Variants in ERBB4 observed in about 807,000 individuals in gnomAD.
ERBB4 encodes the protein receptor tyrosine-protein kinase erbB-4.
In ERBB4, 42 loss-of-function variants were observed where a neutral mutation model predicts 158.0. The ratio of observed to expected loss-of-function variants is 0.27; its 90% CI spans 0.21 to 0.34. ERBB4 has a LOEUF of 0.34. Among genes scored for constraint, ERBB4 ranks in the 10% least tolerant of loss-of-function variants. ERBB4 has a pLI of 1.00. For missense variants in ERBB4, 1,333 were observed against 1,624.1 expected, an observed-to-expected ratio of 0.82 and a Z score of 3.08; for synonymous variants, 583 against 558.7, an observed-to-expected ratio of 1.04 and a Z score of -0.61.
intron 2 of ERBB4, among the ~76,000 whole-genome samples, chr2:211,997,028 G>A (rs2082215952): frequency 6.6e-6 from 1 of 152,160 alleles, no homozygotes; most frequent in Admixed American, 6.6e-5. Context: ...GCGAAGTGAA[G>A]GATAACAGCA....
At chr2:211,525,990 C>T (rs1275941064) in intron 20 of ERBB4, among the ~76,000 whole-genome samples, 1 of 152,126 alleles carries the variant, frequency 6.6e-6, no homozygotes, top group African/African-American at 2.4e-5. Context: ...GATGGGGGAA[C>T]TGGATGCCTA....
At chr2:211,920,961 C>T (rs1465175402) in intron 3 of ERBB4, among the ~76,000 whole-genome samples, 3 of 151,622 alleles carry the variant, frequency 2.0e-5, no homozygotes, top group South Asian at 4.2e-4. Context: ...ATATTTGACA[C>T]ACTACAATCT....
chr2:212,163,003 T>A (rs1397572070), intron 1 of ERBB4, among the ~76,000 whole-genome samples: 2 of 151,960 alleles, frequency 1.3e-5, no homozygotes, highest in African/African-American at 4.8e-5. Context: ...ACTTTTTTAC[T>A]CACATCAGCA....
intron 3 of ERBB4, among the ~76,000 whole-genome samples, chr2:211,908,273 A>C (rs2079450129): frequency 6.6e-6 from 1 of 151,774 alleles, no homozygotes; most frequent in African/African-American, 2.4e-5. Context: ...TATGTTCTGC[A>C]ATTAGTTGAT....
intron 19 of ERBB4, among the ~76,000 whole-genome samples, chr2:211,593,117 G>T (rs767401279): frequency 1.3e-5 from 2 of 152,066 alleles, no homozygotes; most frequent in Non-Finnish European, 2.9e-5. Context: ...ATGGCAGCTG[G>T]CAAGGTGACT....
intron 1 of ERBB4, among the ~76,000 whole-genome samples, chr2:212,466,451 G>A (rs1688839501): frequency 6.6e-6 from 1 of 152,158 alleles, no homozygotes; most frequent in Non-Finnish European, 1.5e-5. Context: ...CTGAATCACG[G>A]GAGTGGGTCT....
intron 19 of ERBB4, among the ~76,000 whole-genome samples, chr2:211,573,927 T>G (rs930629066): frequency 6.6e-6 from 1 of 152,164 alleles, no homozygotes; most frequent in African/African-American, 2.4e-5. Flanking sequence ...TTAGTTTGGA[T>G]AAGCTATAGT....
At chr2:211,392,665 GTTGTTTGTTTGT>G (rs376999130) in intron 25 of ERBB4, among the ~76,000 whole-genome samples, 1 of 150,056 alleles carries the variant, frequency 6.7e-6, no homozygotes, top group Non-Finnish European at 1.5e-5. Context: ...CTTTTTTGTT[GTTGTTTGTTTGT>G]TTGTTTTTCG....
intron 20 of ERBB4, among the ~76,000 whole-genome samples, chr2:211,479,730 C>G (rs1376209599): frequency 6.6e-6 from 1 of 152,108 alleles, no homozygotes; most frequent in African/African-American, 2.4e-5. Context: ...GAATCTGGGA[C>G]TACTGCTGTG....
At chr2:212,425,133 C>T (rs1057336133) in intron 1 of ERBB4, among the ~76,000 whole-genome samples, 1 of 151,284 alleles carries the variant, frequency 6.6e-6, no homozygotes, top group African/African-American at 2.4e-5. Flanking sequence ...ATACTAAAGT[C>T]AAGAATTTAA....
intron 2 of ERBB4, among the ~76,000 whole-genome samples, chr2:211,973,894 A>AT (rs1442100529): frequency 1.3e-5 from 2 of 152,190 alleles, no homozygotes; most frequent in Non-Finnish European, 2.9e-5. Flanking sequence ...TGGAAACTAT[A>AT]TAGCCATAAA....
chr2:211,516,433 A>G (rs913739643), intron 20 of ERBB4, among the ~76,000 whole-genome samples: 1 of 151,136 alleles, frequency 6.6e-6, no homozygotes, highest in Non-Finnish European at 1.5e-5. Flanking sequence ...TCCTGGGTTC[A>G]AGCGATTCTT....
At chr2:211,593,572 T>C (rs1264951747) in intron 19 of ERBB4, among the ~76,000 whole-genome samples, 8 of 152,220 alleles carry the variant, frequency 5.3e-5, no homozygotes, top group East Asian at 3.8e-4. Context: ...CTTTGTATTA[T>C]TCTGTCTTGC....
rs559096028 is a variant in ERBB4 at position 211,764,449 on chromosome 2, C to T, written c.557-13745G>A. 1.1e-4 allele frequency among the ~76,000 whole-genome samples: 17 copies of T among 152,270 alleles called. No individual in the cohort carries two copies. The South Asian group carries it at 3.3e-3, about 30-fold the overall frequency. On this transcript the variant is annotated intron_variant, in intron 4 of 27. Coordinates refer to ENST00000342788, the MANE Select transcript of ERBB4 (RefSeq NM_005235.3). ...ATCCTTTAATCACAATGAAAGCCCTCGTTAGCTAGCATGCTAAAGAGGTAG... is the reference window on the plus strand; with the variant it reads ...ATCCTTTAATCACAATGAAAGCCCTTGTTAGCTAGCATGCTAAAGAGGTAG...
intron 20 of ERBB4, among the ~76,000 whole-genome samples, chr2:211,555,650 G>A (rs2067218135): frequency 6.6e-6 from 1 of 152,168 alleles, no homozygotes; most frequent in Non-Finnish European, 1.5e-5. Flanking sequence ...AAAGCCAGAA[G>A]AGATTCAGGA....
chr2:211,486,245 C>T (rs1037483939), intron 20 of ERBB4, among the ~76,000 whole-genome samples: 2 of 152,196 alleles, frequency 1.3e-5, no homozygotes, highest in Middle Eastern at 3.4e-3. Context: ...ACTGCTTGCT[C>T]CCTTTTCGTT....
At chr2:212,050,618 A>C (rs1266741134) in intron 2 of ERBB4, among the ~76,000 whole-genome samples, 3 of 152,204 alleles carry the variant, frequency 2.0e-5, no homozygotes, top group Non-Finnish European at 4.4e-5. Flanking sequence ...TATTACTTCC[A>C]AAATAAAAAA....
chr2:212,199,731 T>A (rs969268217), intron 1 of ERBB4, among the ~76,000 whole-genome samples: 12 of 152,160 alleles, frequency 7.9e-5, no homozygotes, highest in Non-Finnish European at 1.6e-4. Flanking sequence ...AATCATTAAA[T>A]TTTTAATTTA....
Position 211,947,513 on chromosome 2 carries a change from T to A in ERBB4, c.338A>T (p.Asp113Val), listed in dbSNP as rs1324497284. 1 of 1,613,868 alleles carries A rather than the reference T, an allele frequency of 6.2e-7. No individual in the cohort carries two copies. ...TAAAAATATTGCCAAGGCATATCGA[T>A]CCTCATAAAGTTTTGTCCCACGAAT... Reference protein sequence around the residue: ...RIIRGTKLYEDRYALAIFLNY... With the variant: ...RIIRGTKLYEVRYALAIFLNY... Residue 113 changes from aspartate to valine, a missense_variant, in exon 3 of 28, where the codon GAT (aspartate) becomes GTT (valine). Around this residue, in one of 5 missense-constraint regions of ERBB4, gnomAD observed 438 missense variants for 586.9 expected, o/e 0.75. Transcript: ENST00000342788.
Sources: gnomAD v4.1 joint callset for allele counts (sites outside exome capture counted in the v4.1 genomes callset) on GRCh38, gnomAD v4.1.1 for gene constraint, gnomAD v4.1.1 regional missense constraint, MANE v1.5 for transcripts, NCBI Gene and HGNC (gene_info 2026-07-23, HGNC 2026-07-21) for gene names.